Variants in RIMOC1 observed in about 807,000 individuals in gnomAD.
RIMOC1 encodes the protein RAB7A-interacting MON1-CCZ1 complex subunit 1.
chr5:41,904,982 G>A, the RIMOC1 span, among the ~76,000 whole-genome samples: 1 of 152,208 alleles, frequency 6.6e-6, no homozygotes, highest in East Asian at 1.9e-4. Flanking sequence ...CATCATGCCA[G>A]TTCTCACAAG....
chr5:41,918,094 G>A, the RIMOC1 span: 1 of 985,576 alleles, frequency 1.0e-6, no homozygotes, highest in African/African-American at 1.7e-5. Context: ...AAAGGCCAGA[G>A]AGCCTAACTT....
chr5:41,913,713 T>C, the RIMOC1 span, among the ~76,000 whole-genome samples: 1 of 152,220 alleles, frequency 6.6e-6, no homozygotes, highest in Non-Finnish European at 1.5e-5. Context: ...CTCTCCTGGA[T>C]TGTTCTATTT....
chr5:41,910,622 C>T, the RIMOC1 span, among the ~76,000 whole-genome samples: 5 of 151,762 alleles, frequency 3.3e-5, no homozygotes, highest in Non-Finnish European at 7.4e-5. Flanking sequence ...ATTTCAATGA[C>T]AAGCCACTTT....
chr5:41,919,863 AATT>A, the RIMOC1 span: 1 of 152,034 alleles, frequency 6.6e-6, no homozygotes, highest in East Asian at 1.9e-4. Flanking sequence ...ACTGCTTTGT[AATT>A]ATTTTCTTTA....
chr5:41,906,607 G>A, the RIMOC1 span, among the ~76,000 whole-genome samples: 1 of 152,084 alleles, frequency 6.6e-6, no homozygotes, highest in South Asian at 2.1e-4. Flanking sequence ...TGTCACTTCT[G>A]GGCTAATGAG....
At chr5:41,909,503 T>G in the RIMOC1 span, among the ~76,000 whole-genome samples, 596 of 152,206 alleles carry the variant, frequency 3.9e-3, 7 homozygotes, top group African/African-American at 0.014. Context: ...TATTTTCTTT[T>G]TTGAGGGAAA....
At chr5:41,905,949 C>G in the RIMOC1 span, among the ~76,000 whole-genome samples, 1 of 152,100 alleles carries the variant, frequency 6.6e-6, no homozygotes. Context: ...GAAATCAGTT[C>G]AATCTTAAAA....
chr5:41,919,912 T>A, the RIMOC1 span: 1 of 152,194 alleles, frequency 6.6e-6, no homozygotes, highest in African/African-American at 2.4e-5. Context: ...AATTTACCTG[T>A]ATACATAGTG....
chr5:41,911,988 A>G, the RIMOC1 span: 24 of 893,398 alleles, frequency 2.7e-5, no homozygotes, highest in Admixed American at 4.1e-4. Context: ...TCTTGAGTAA[A>G]GAATGGAAAA....
the RIMOC1 span, among the ~76,000 whole-genome samples, chr5:41,906,952 T>C: frequency 6.6e-6 from 1 of 152,138 alleles, no homozygotes; most frequent in African/African-American, 2.4e-5. Flanking sequence ...ATTATGGGTG[T>C]ATCTAAATTT....
chr5:41,916,548 A>G, the RIMOC1 span: 2 of 774,202 alleles, frequency 2.6e-6, no homozygotes, highest in Non-Finnish European at 1.6e-6. Flanking sequence ...TTTAGAGAAT[A>G]TAAGAGGTCT....
chr5:41,917,094 A>G, the RIMOC1 span: 4 of 1,613,854 alleles, frequency 2.5e-6, no homozygotes, highest in Non-Finnish European at 3.4e-6. Flanking sequence ...TATTGTGCTG[A>G]TCAGCAACCA....
chr5:41,905,688 T>C, the RIMOC1 span, among the ~76,000 whole-genome samples: 1 of 152,256 alleles, frequency 6.6e-6, no homozygotes, highest in Non-Finnish European at 1.5e-5. Context: ...TTATCTATGT[T>C]ACCTCTAATT....
the RIMOC1 span, among the ~76,000 whole-genome samples, chr5:41,915,614 G>A: frequency 6.6e-6 from 1 of 152,144 alleles, no homozygotes; most frequent in Admixed American, 6.5e-5. Context: ...TTCTTACATG[G>A]CGGTGGCAAG....
the RIMOC1 span, among the ~76,000 whole-genome samples, chr5:41,907,187 T>C: frequency 6.6e-6 from 1 of 152,208 alleles, no homozygotes; most frequent in African/African-American, 2.4e-5. Context: ...TGTTTCTAAG[T>C]TTTTAAAGGA....
chr5:41,904,375 C>T, the RIMOC1 span: 141 of 1,613,250 alleles, frequency 8.7e-5, 1 homozygote, highest in Admixed American at 1.3e-3. Context: ...GCCATGGCGG[C>T]CGCAGTCTCT....
the RIMOC1 span, among the ~76,000 whole-genome samples, chr5:41,915,554 G>T: frequency 2.0e-5 from 3 of 152,324 alleles, no homozygotes; most frequent in Admixed American, 2.0e-4. Context: ...TGGACTCACA[G>T]TTCCTCGTTG....
chr5:41,911,862 TTAC>T, the RIMOC1 span, among the ~76,000 whole-genome samples: 3 of 152,198 alleles, frequency 2.0e-5, no homozygotes, highest in Non-Finnish European at 4.4e-5. Flanking sequence ...GTACTCTTTT[TTAC>T]TACTAGAGCA....
chr5:41,914,456 CAAACAAAACA>C, the RIMOC1 span, among the ~76,000 whole-genome samples: 14,504 of 146,528 alleles, frequency 0.099, 785 homozygotes, highest in East Asian at 0.18. Context: ...GACTCTGTCT[CAAACAAAACA>C]AAACAAAACA....
Sources: allele counts gnomAD v4.1 joint callset (sites outside exome capture counted in the v4.1 genomes callset), GRCh38; gene constraint gnomAD v4.1.1; transcripts MANE v1.5; gene names NCBI Gene and HGNC (gene_info 2026-07-23, HGNC 2026-07-21).